CADPS2: variants seen among roughly 807,000 people sequenced by gnomAD.
CADPS2 encodes the protein calcium-dependent secretion activator 2.
Under a neutral mutation model 172.5 loss-of-function variants are expected in CADPS2, and 93 were observed. The ratio of observed to expected loss-of-function variants is 0.54; its 90% confidence interval spans 0.46 to 0.64. The LOEUF (loss-of-function observed/expected upper bound fraction) is 0.64, where lower values mean the gene tolerates loss of function less well. CADPS2 is among the 30% of genes least tolerant of loss of function. The probability of loss-of-function intolerance (pLI) is 0.00; values close to 1 mark genes in which losing one functional copy is unlikely to be tolerated. For synonymous variants in CADPS2, 546 were observed against 555.2 expected, an observed-to-expected ratio of 0.98 and a Z score of 0.23; for missense variants, 1,420 against 1,565.9, an observed-to-expected ratio of 0.91 and a Z score of 1.57.
intron 14 of CADPS2, among the ~76,000 whole-genome samples, chr7:122,461,634 C>T (rs375149994): frequency 2.0e-5 from 3 of 151,854 alleles, no homozygotes; most frequent in African/African-American, 7.3e-5. Flanking sequence ...CTCGCTCTGT[C>T]ACCAGGCTGG....
chr7:122,863,860 T>G (rs777825880), intron 1 of CADPS2, among the ~76,000 whole-genome samples: 1 of 152,114 alleles, frequency 6.6e-6, no homozygotes, highest in Non-Finnish European at 1.5e-5. Flanking sequence ...CAAAACCCCA[T>G]CTCTACTAAA....
At chr7:122,825,946 AG>A (rs1804753292) in intron 1 of CADPS2, among the ~76,000 whole-genome samples, 1 of 152,170 alleles carries the variant, frequency 6.6e-6, no homozygotes, top group African/African-American at 2.4e-5. Flanking sequence ...CATTAATACC[AG>A]GGTGGTGTAA....
chr7:122,681,743 A>G, intron 2 of CADPS2: 1 of 560,896 alleles, frequency 1.8e-6, no homozygotes, highest in Non-Finnish European at 3.0e-6. Flanking sequence ...TAATAATAAT[A>G]ATAAAAGAAA....
At chr7:122,808,123 C>T (rs532908062) in intron 1 of CADPS2, among the ~76,000 whole-genome samples, 31 of 152,164 alleles carry the variant, frequency 2.0e-4, no homozygotes, top group Middle Eastern at 3.4e-3. Context: ...TATTTCAGAA[C>T]GTCAAGTCTT....
chr7:122,453,678 A>G (rs2152055116), intron 14 of CADPS2, among the ~76,000 whole-genome samples: 1 of 152,326 alleles, frequency 6.6e-6, no homozygotes, highest in East Asian at 1.9e-4. Flanking sequence ...ATGTGGTTAA[A>G]TAGGAGTAAA....
intron 1 of CADPS2, among the ~76,000 whole-genome samples, chr7:122,792,049 A>G (rs545741943): frequency 6.6e-6 from 1 of 152,356 alleles, no homozygotes; most frequent in Non-Finnish European, 1.5e-5. Flanking sequence ...AGGAACCTCA[A>G]AGGCAAACTC....
At position 122,474,665 on chromosome 7, in the gene CADPS2, C is replaced by G. The variant is rs539491648; in HGVS notation, c.1862-148G>C. The G allele has an allele frequency of 9.1e-5, 63 of 689,234 alleles. No homozygotes were observed. In the East Asian group the frequency reaches 1.7e-3, roughly 19 times the overall value. 42.7% of individuals were successfully genotyped at this position (689,234 alleles called of 1,614,324 possible). On this transcript the variant is annotated intron_variant, in intron 12 of 29. Transcript: ENST00000449022. ...TGATGCCAAGAGTTCAGCATATTAACATAAATTGCAAACTTTATGAAGCCT... is the reference window on the plus strand; with the variant it reads ...TGATGCCAAGAGTTCAGCATATTAAGATAAATTGCAAACTTTATGAAGCCT...
At chr7:122,633,511 G>C (rs1296829558) in intron 3 of CADPS2, among the ~76,000 whole-genome samples, 1 of 152,066 alleles carries the variant, frequency 6.6e-6, no homozygotes, top group Non-Finnish European at 1.5e-5. Flanking sequence ...TTTTACTGAT[G>C]TATAGAAGTT....
intron 2 of CADPS2, among the ~76,000 whole-genome samples, chr7:122,695,961 CCA>C (rs2085018449): frequency 6.6e-6 from 1 of 151,002 alleles, no homozygotes. Context: ...AACAAGTACC[CCA>C]CACAAGAGTA....
chr7:122,835,103 A>G (rs1807939154), intron 1 of CADPS2, among the ~76,000 whole-genome samples: 1 of 152,232 alleles, frequency 6.6e-6, no homozygotes, highest in Non-Finnish European at 1.5e-5. Flanking sequence ...AGGAATGATC[A>G]GGCAGCAACA....
chr7:122,491,230 A>C, intron 10 of CADPS2, 82 bp downstream of exon 10: 1 of 860,086 alleles, frequency 1.2e-6, no homozygotes, highest in Non-Finnish European at 1.7e-6. Context: ...AGAGGGGTTT[A>C]AATTGTAGAA....
chr7:122,828,515 C>T (rs1805597171), intron 1 of CADPS2, among the ~76,000 whole-genome samples: 1 of 152,090 alleles, frequency 6.6e-6, no homozygotes, highest in Admixed American at 6.6e-5. Context: ...TTTAAAATAT[C>T]ATTGTCTTGA....
chr7:122,343,402 CTA>C (rs955049592), intron 28 of CADPS2, among the ~76,000 whole-genome samples: 1 of 152,134 alleles, frequency 6.6e-6, no homozygotes, highest in African/African-American at 2.4e-5. Context: ...GGCAATTAAA[CTA>C]GTGTTATATT....
Position 122,819,628 on chromosome 7 carries a change from G to A in CADPS2, c.339+66371C>T, listed in dbSNP as rs571065609. The stretch of plus-strand genomic sequence containing the variant: ...CCCAACTCTGGTGCCAACTTAGACA[G>A]TACTCTTTTAAGCACTCCTTTTTAG... On this transcript the variant is annotated intron_variant, in intron 1 of 29. Transcript: ENST00000449022. Among the ~76,000 whole-genome samples, 39 of 150,924 alleles carry A rather than the reference G, an allele frequency of 2.6e-4. No homozygotes were observed. The East Asian group carries it at 2.7e-3, about 11-fold the overall frequency.
chr7:122,669,552 G>A (rs2081562448), intron 2 of CADPS2, among the ~76,000 whole-genome samples: 1 of 151,736 alleles, frequency 6.6e-6, no homozygotes, highest in South Asian at 2.1e-4. Context: ...AGCTCCAGAA[G>A]GAAATGGGCT....
intron 1 of CADPS2, among the ~76,000 whole-genome samples, chr7:122,882,689 T>G (rs768434597): frequency 2.2e-4 from 33 of 151,980 alleles, no homozygotes; most frequent in Non-Finnish European, 4.3e-4. Context: ...TTGCCTTTAT[T>G]AATTAGTACC....
chr7:122,343,973 C>T (rs1001359294), intron 28 of CADPS2, among the ~76,000 whole-genome samples: 8 of 152,080 alleles, frequency 5.3e-5, no homozygotes, highest in Admixed American at 5.2e-4. Flanking sequence ...ATTTTTTTCA[C>T]ACATATTAAC....
rs181438098 is a variant in CADPS2, at chr7:122,656,905, T to A, written c.786+6332A>T. 3.3e-4 allele frequency among the ~76,000 whole-genome samples: 51 copies of A among 152,338 alleles called. 1 individual carries two copies. Among genetic ancestry groups the A allele is most frequent in the African/African-American group, 1.1e-3 (45 of 41,584 alleles). Reference sequence around the variant, plus strand: ...GCCCATGCCTATGTCCTGAATGGTATTGCCTAGGTTTTCTTCTAGGGTTTT... The same window carrying A: ...GCCCATGCCTATGTCCTGAATGGTAATGCCTAGGTTTTCTTCTAGGGTTTT... On this transcript the variant is annotated intron_variant, in intron 3 of 29. Transcript: ENST00000449022.
chr7:122,672,248 G>A (rs1358668949), intron 2 of CADPS2, among the ~76,000 whole-genome samples: 1 of 152,108 alleles, frequency 6.6e-6, no homozygotes, highest in African/African-American at 2.4e-5. Flanking sequence ...CAGTTATCAA[G>A]TTAAAGTCAG....
Sources: allele counts gnomAD v4.1 joint callset (sites outside exome capture counted in the v4.1 genomes callset), GRCh38; gene constraint gnomAD v4.1.1; transcripts MANE v1.5; gene names NCBI Gene and HGNC (gene_info 2026-07-23, HGNC 2026-07-21).